The following ZNF438 variants were observed in gnomAD, a reference collection of about 807,000 sequenced individuals.
The protein encoded by ZNF438 is zinc finger protein 438.
ZNF438 carries 25 observed loss-of-function variants against 38.0 expected under a neutral mutation model. That is an observed-to-expected ratio of 0.66 (90% CI 0.48 to 0.92). ZNF438 has a LOEUF of 0.92. Among genes scored for constraint, ZNF438 ranks in the 40% least tolerant of loss-of-function variants. The pLI, the probability that ZNF438 is intolerant of heterozygous loss-of-function variation, is 0.00. For missense variants in ZNF438, 1,007 were observed against 999.6 expected, an observed-to-expected ratio of 1.01 and a Z score of -0.10; for synonymous variants, 372 against 364.1, an observed-to-expected ratio of 1.02 and a Z score of -0.25.
At chr10:30,913,380 A>T (rs1286822500) in intron 2 of ZNF438, among the ~76,000 whole-genome samples, 1 of 151,772 alleles carries the variant, frequency 6.6e-6, no homozygotes, top group Non-Finnish European at 1.5e-5. Context: ...GCTCCTTCCC[A>T]CCACAGGGTC....
intron 1 of ZNF438, among the ~76,000 whole-genome samples, chr10:30,990,709 C>T (rs778751999): frequency 6.6e-6 from 1 of 152,096 alleles, no homozygotes; most frequent in Non-Finnish European, 1.5e-5. Flanking sequence ...AATACGCACA[C>T]ATTAAAATCC....
At chr10:30,850,305 A>G (rs1303313341) in exon 5 of ZNF438, 4 of 1,614,090 alleles carry the variant, frequency 2.5e-6, no homozygotes, top group African/African-American at 2.7e-5. Flanking sequence ...ATGGTCCTAA[A>G]CTGACTCTTA....
At chr10:31,008,639 A>C (rs2055375412) in intron 1 of ZNF438, among the ~76,000 whole-genome samples, 1 of 152,200 alleles carries the variant, frequency 6.6e-6, no homozygotes, top group Non-Finnish European at 1.5e-5. Flanking sequence ...ATAATATTCC[A>C]TTGTATGGAT....
chr10:30,940,987 G>C (rs1277311475), intron 2 of ZNF438, among the ~76,000 whole-genome samples: 1 of 152,140 alleles, frequency 6.6e-6, no homozygotes, highest in African/African-American at 2.4e-5. Flanking sequence ...GACTAGACTT[G>C]ATACAAATAC....
intron 2 of ZNF438, among the ~76,000 whole-genome samples, chr10:30,924,668 C>T (rs951890158): frequency 6.6e-6 from 1 of 152,054 alleles, no homozygotes; most frequent in African/African-American, 2.4e-5. Flanking sequence ...GAGAAAACAC[C>T]AAACTCAAAT....
chr10:30,850,391 G>C (rs1433582566), intron 4 of ZNF438, 24 bp from the exon 6 acceptor site: 5 of 1,596,654 alleles, frequency 3.1e-6, no homozygotes, highest in African/African-American at 1.3e-5. Flanking sequence ...AAAATATAAA[G>C]AGTTACTGTA....
chr10:31,005,427 T>C (rs1457782771), intron 1 of ZNF438, among the ~76,000 whole-genome samples: 1 of 152,104 alleles, frequency 6.6e-6, no homozygotes, highest in African/African-American at 2.4e-5. Flanking sequence ...TGATTTCACT[T>C]ATATGTGGAA....
intron 2 of ZNF438, among the ~76,000 whole-genome samples, chr10:30,929,521 C>T (rs1209854046): frequency 6.6e-6 from 1 of 152,074 alleles, no homozygotes; most frequent in African/African-American, 2.4e-5. Context: ...CAGTGTGGAC[C>T]CAAAGAGTGA....
chr10:31,009,370 T>C (rs1371294455), intron 1 of ZNF438, among the ~76,000 whole-genome samples: 1 of 152,180 alleles, frequency 6.6e-6, no homozygotes, highest in Non-Finnish European at 1.5e-5. Flanking sequence ...AAGAGCCATA[T>C]ACTGATAGCA....
chr10:30,972,245 A>G (rs1327402194), intron 1 of ZNF438, among the ~76,000 whole-genome samples: 1 of 152,238 alleles, frequency 6.6e-6, no homozygotes, highest in Non-Finnish European at 1.5e-5. Context: ...CTGGGATTAC[A>G]AGCGTGAGCC....
intron 2 of ZNF438, among the ~76,000 whole-genome samples, chr10:30,922,279 C>A (rs2044386266): frequency 1.3e-5 from 2 of 152,076 alleles, no homozygotes; most frequent in African/African-American, 4.8e-5. Context: ...AGGCTCTGTG[C>A]CTTATCTACT....
chr10:30,997,748 C>A (rs1011303636), intron 1 of ZNF438, among the ~76,000 whole-genome samples: 1 of 151,934 alleles, frequency 6.6e-6, no homozygotes, highest in African/African-American at 2.4e-5. Context: ...AAGTTTTCTT[C>A]ATTTTAAAAA....
intron 1 of ZNF438, among the ~76,000 whole-genome samples, chr10:30,992,416 CTTT>C (rs60965540): frequency 7.1e-6 from 1 of 141,688 alleles, no homozygotes. Context: ...TCTGAATCTT[CTTT>C]TTTTTTTTTT....
chr10:30,951,561 C>T (rs1407772713), intron 1 of ZNF438, among the ~76,000 whole-genome samples: 4 of 152,090 alleles, frequency 2.6e-5, no homozygotes, highest in African/African-American at 9.7e-5. Flanking sequence ...TCTCAGGATA[C>T]AAAATCAATG....
chr10:30,923,986 T>C (rs1444082708), intron 2 of ZNF438, among the ~76,000 whole-genome samples: 2 of 152,234 alleles, frequency 1.3e-5, no homozygotes, highest in African/African-American at 4.8e-5. Context: ...AATAAAAGTT[T>C]GTAACTTCTC....
At chr10:31,016,414 A>G (rs1196517066) in intron 1 of ZNF438, among the ~76,000 whole-genome samples, 1 of 152,236 alleles carries the variant, frequency 6.6e-6, no homozygotes, top group Non-Finnish European at 1.5e-5. Context: ...TATCATTACC[A>G]TCTCTATTAA....
At chr10:30,916,764 T>C (rs1027346767) in intron 2 of ZNF438, among the ~76,000 whole-genome samples, 2 of 152,096 alleles carry the variant, frequency 1.3e-5, no homozygotes, top group African/African-American at 2.4e-5. Context: ...TTCTGGAACA[T>C]ATTATGTATT....
chr10:30,898,628 G>A (rs2041639864), intron 3 of ZNF438, among the ~76,000 whole-genome samples: 1 of 151,896 alleles, frequency 6.6e-6, no homozygotes, highest in African/African-American at 2.4e-5. Context: ...GTTCTAAAAG[G>A]GGGGGAACGC....
intron 1 of ZNF438, among the ~76,000 whole-genome samples, chr10:30,952,535 A>G (rs546939080): frequency 0.063 from 9,108 of 145,050 alleles, 299 homozygotes; most frequent in Non-Finnish European, 0.088. Flanking sequence ...AATCTACAAT[A>G]AACTCAAACA....
Sources: allele counts gnomAD v4.1 joint callset (sites outside exome capture counted in the v4.1 genomes callset), GRCh38; gene constraint gnomAD v4.1.1; transcripts MANE v1.5; gene names NCBI Gene and HGNC (gene_info 2026-07-23, HGNC 2026-07-21).